VPS54: variants seen among roughly 807,000 people sequenced by gnomAD.
VPS54 encodes the protein VPS54 subunit of GARP complex.
VPS54 carries 45 observed loss-of-function variants against 121.5 expected under a neutral mutation model. The observed-to-expected ratio is 0.37, with a 90% confidence interval of 0.29 to 0.47. VPS54 has a LOEUF of 0.47. Among genes scored for constraint, VPS54 ranks in the 20% least tolerant of loss-of-function variants. The probability of loss-of-function intolerance (pLI) is 0.99; values close to 1 mark genes in which losing one functional copy is unlikely to be tolerated. For synonymous variants in VPS54, 371 were observed against 385.8 expected (o/e 0.96, Z 0.45); for missense variants, 1,090 against 1,131.4 (o/e 0.96, Z 0.52).
intron 1 of VPS54, among the ~76,000 whole-genome samples, chr2:63,989,157 C>CA (rs1677196841): frequency 6.6e-6 from 1 of 152,174 alleles, no homozygotes; most frequent in African/African-American, 2.4e-5. Context: ...CGGCTATCTT[C>CA]TCTCAAACCC....
At chr2:63,979,726 T>C (rs1676720364) in intron 3 of VPS54, among the ~76,000 whole-genome samples, 1 of 152,146 alleles carries the variant, frequency 6.6e-6, no homozygotes, top group East Asian at 1.9e-4. Flanking sequence ...TTCTTTCTTC[T>C]TTGACTCACA....
At chr2:63,973,391 A>G (rs890564337) in intron 3 of VPS54, among the ~76,000 whole-genome samples, 4 of 152,198 alleles carry the variant, frequency 2.6e-5, no homozygotes, top group African/African-American at 9.6e-5. Context: ...CATAAAATTT[A>G]TCACGTAAAA....
rs763355191 is a variant in VPS54 at position 63,916,970 on chromosome 2, A to C, written c.2165-7T>G. 4 of 1,613,270 alleles carry C rather than the reference A, an allele frequency of 2.5e-6. No homozygotes were observed. The highest frequency in any genetic ancestry group is 1.3e-5 in the African/African-American group (1 of 74,916). ...GGTTTCCTTTCTTCTGTGGCTACAG[A>C]GTTAAGCAAATAAACGAGAGACAAG... On this transcript the variant is annotated splice_polypyrimidine_tract_variant and splice_region_variant and intron_variant, in intron 15 of 22. Coordinates refer to ENST00000272322, the MANE Select transcript of VPS54 (RefSeq NM_016516.3).
At chr2:63,983,368 C>T (rs1210158474) in intron 2 of VPS54, among the ~76,000 whole-genome samples, 1 of 151,618 alleles carries the variant, frequency 6.6e-6, no homozygotes, top group Non-Finnish European at 1.5e-5. Context: ...CCCTCCTGAC[C>T]TCAAGTGATC....
chr2:63,952,315 C>T (rs1675290214), intron 7 of VPS54, among the ~76,000 whole-genome samples: 1 of 152,056 alleles, frequency 6.6e-6, no homozygotes, highest in Non-Finnish European at 1.5e-5. Context: ...AATTTCAAAA[C>T]TTAAGTGAAA....
chr2:63,963,580 TAA>T (rs1275211722), intron 6 of VPS54, among the ~76,000 whole-genome samples: 3 of 152,122 alleles, frequency 2.0e-5, no homozygotes, highest in African/African-American at 7.2e-5. Flanking sequence ...TCTGTTTCCC[TAA>T]GGAAACACAG....
At chr2:63,989,864 GA>G (rs1385152154) in intron 1 of VPS54, among the ~76,000 whole-genome samples, 5 of 152,158 alleles carry the variant, frequency 3.3e-5, no homozygotes, top group Non-Finnish European at 5.9e-5. Flanking sequence ...CTTAGATGTG[GA>G]CCTGTTAAAA....
chr2:64,014,613 A>G (rs560700990), intron 1 of VPS54, among the ~76,000 whole-genome samples: 10 of 106,818 alleles, frequency 9.4e-5, no homozygotes, highest in Non-Finnish European at 2.5e-4. Context: ...AGCCATCACT[A>G]TTCTCCGCCT....
At position 63,902,257 on chromosome 2, in the gene VPS54, C is replaced by G. The variant is rs897416487; in HGVS notation, c.2626-2676G>C. On this transcript the variant is annotated intron_variant, in intron 20 of 22. Transcript: ENST00000272322. ...ACTCCTATTCTGTAGTGGAGATGTA[C>G]AGAGATGACTAAAAGATGAGGGTGA... Among the ~76,000 whole-genome samples, 3 of 152,090 alleles carry G rather than the reference C, an allele frequency of 2.0e-5. 1 individual carries two copies. Among genetic ancestry groups the G allele is most frequent in the Non-Finnish European group, 4.4e-5 (3 of 68,012 alleles).
At chr2:63,931,065 A>C (rs921120335) in intron 12 of VPS54, among the ~76,000 whole-genome samples, 2 of 152,170 alleles carry the variant, frequency 1.3e-5, no homozygotes, top group African/African-American at 4.8e-5. Context: ...AGAAGAATCA[A>C]TATTGTGAAA....
intron 3 of VPS54, among the ~76,000 whole-genome samples, chr2:63,978,024 C>A (rs560476696): frequency 1.3e-5 from 2 of 152,202 alleles, no homozygotes; most frequent in African/African-American, 4.8e-5. Context: ...AAGCACCCCA[C>A]TGATGTGGTG....
At chr2:63,955,267 TA>T (rs1048195467) in intron 7 of VPS54, among the ~76,000 whole-genome samples, 3 of 151,220 alleles carry the variant, frequency 2.0e-5, no homozygotes, top group East Asian at 1.9e-4. Context: ...AGTATAAGTT[TA>T]AAAAAAAACA....
At chr2:63,903,326 A>T (rs1672768591) in intron 20 of VPS54, among the ~76,000 whole-genome samples, 1 of 152,256 alleles carries the variant, frequency 6.6e-6, no homozygotes, top group African/African-American at 2.4e-5. Flanking sequence ...AAAAGTGAAG[A>T]GAAAATACAG....
chr2:63,931,065 A>G (rs921120335), intron 12 of VPS54, among the ~76,000 whole-genome samples: 4 of 152,170 alleles, frequency 2.6e-5, no homozygotes, highest in African/African-American at 9.7e-5. Flanking sequence ...AGAAGAATCA[A>G]TATTGTGAAA....
chr2:63,978,185 A>T (rs552881780), intron 3 of VPS54, among the ~76,000 whole-genome samples: 9 of 152,364 alleles, frequency 5.9e-5, no homozygotes, highest in African/African-American at 2.2e-4. Context: ...AACGGAAGTG[A>T]CAACTTCCAA....
At chr2:63,901,414 A>G (rs1243582912) in intron 20 of VPS54, among the ~76,000 whole-genome samples, 1 of 152,232 alleles carries the variant, frequency 6.6e-6, no homozygotes, top group Non-Finnish European at 1.5e-5. Context: ...AACGTGGGCT[A>G]GGATATATTT....
intron 1 of VPS54, among the ~76,000 whole-genome samples, chr2:63,992,652 C>T (rs1035216621): frequency 6.6e-6 from 1 of 152,178 alleles, no homozygotes; most frequent in Non-Finnish European, 1.5e-5. Flanking sequence ...CCTTCTTTCC[C>T]GCTGGAATTC....
rs1308672193 is a variant in VPS54, at chr2:63,933,803, G to C, written c.1609C>G (p.Gln537Glu). 7 of 1,613,774 alleles carry C rather than the reference G, an allele frequency of 4.3e-6. No homozygotes were observed. The highest frequency in any genetic ancestry group is 2.7e-5 in the African/African-American group (2 of 74,904). The change falls in exon 12 of 23, where the codon CAA (glutamine) becomes GAA (glutamate). Residue 537 changes from glutamine (Q) to glutamate (E), a missense_variant. This residue lies in a region of VPS54 where 801 missense variants were observed against 757.0 expected (regional missense o/e 1.06). Coordinates refer to ENST00000272322, the MANE Select transcript of VPS54 (RefSeq NM_016516.3). ...TCACTATTTGGAGATGCATTTCTTT[G>C]AGAGGTAGTGTCAACTGCTATAGGT... ...LTPIAVDTTS[Q>E]RNASPNSEPC...
intron 1 of VPS54, among the ~76,000 whole-genome samples, chr2:64,008,049 T>C (rs1678248465): frequency 6.6e-6 from 1 of 151,800 alleles, no homozygotes; most frequent in African/African-American, 2.4e-5. Flanking sequence ...AGCAAGAATC[T>C]TTTAGGCTAT....
Sources: gnomAD v4.1 joint callset for allele counts (sites outside exome capture counted in the v4.1 genomes callset) on GRCh38, gnomAD v4.1.1 for gene constraint, gnomAD v4.1.1 regional missense constraint, MANE v1.5 for transcripts, NCBI Gene and HGNC (gene_info 2026-07-23, HGNC 2026-07-21) for gene names.